Variants in GFRA1 observed in about 807,000 individuals in gnomAD.
GFRA1 encodes the protein GDNF family receptor alpha 1, also known as GDNF family receptor alpha-1.
Under a neutral mutation model 51.6 loss-of-function variants are expected in GFRA1, and 16 were observed. The observed-to-expected ratio is 0.31, with a 90% CI of 0.21 to 0.47. GFRA1 has a LOEUF of 0.47. Among genes scored for constraint, GFRA1 ranks in the 20% least tolerant of loss-of-function variants. The pLI, the probability that GFRA1 is intolerant of heterozygous loss-of-function variation, is 1.00. For missense variants in GFRA1, 530 were observed against 594.3 expected (o/e 0.89, Z 1.13); for synonymous variants, 270 against 241.3 (o/e 1.12, Z -1.10).
Position 116,064,250 on chromosome 10 carries a change from TAAAAGGAAAA to T in GFRA1, c.*138_*147del, listed in dbSNP as rs1369229391. 9 of 711,554 alleles carry T rather than the reference TAAAAGGAAAA, an allele frequency of 1.3e-5. No individual in the cohort carries two copies. In the African/African-American group the frequency reaches 1.6e-4, roughly 13 times the overall value. The allele number at this position is 711,554 out of a possible 1,614,324, so 44.1% of individuals were successfully genotyped here. A position where few individuals can be genotyped will look rare whatever the true frequency, so the allele number is the denominator to read the frequency against. The stretch of plus-strand genomic sequence containing the variant: ...CCCAAAGGATCACAAGAAGCTTTCT[TAAAAGGAAAA>T]AAAAAAAATGTTCCAGTTGAATGGA... On this transcript the variant is annotated 3_prime_UTR_variant, in exon 11 of 11. Coordinates refer to ENST00000355422, the MANE Select transcript of GFRA1 (RefSeq NM_005264.8).
intron 9 of GFRA1, among the ~76,000 whole-genome samples, chr10:116,073,297 G>A (rs1955482147): frequency 6.6e-6 from 1 of 152,166 alleles, no homozygotes; most frequent in South Asian, 2.1e-4. Flanking sequence ...TGCCCTGGCT[G>A]GGCTTACTTC....
At chr10:116,072,570 G>T (rs765840070) in intron 9 of GFRA1, among the ~76,000 whole-genome samples, 32 of 152,188 alleles carry the variant, frequency 2.1e-4, no homozygotes, top group Non-Finnish European at 4.1e-4. Flanking sequence ...GACCAGCCTA[G>T]CCAGCATGGT....
chr10:116,238,516 T>C (rs1329582107), intron 4 of GFRA1, among the ~76,000 whole-genome samples: 1 of 152,186 alleles, frequency 6.6e-6, no homozygotes, highest in Non-Finnish European at 1.5e-5. Context: ...GTTCCATATA[T>C]ATGGAATTTC....
At chr10:116,202,037 C>T (rs1367026824) in intron 5 of GFRA1, among the ~76,000 whole-genome samples, 2 of 152,190 alleles carry the variant, frequency 1.3e-5, no homozygotes, top group Non-Finnish European at 2.9e-5. Context: ...AACACCGATT[C>T]CTCCGAGCTT....
At chr10:116,112,638 T>C (rs1233560079) in intron 6 of GFRA1, among the ~76,000 whole-genome samples, 2 of 152,152 alleles carry the variant, frequency 1.3e-5, no homozygotes, top group Non-Finnish European at 2.9e-5. Context: ...GTGAAATCCT[T>C]TGGCATGCTA....
At chr10:116,092,013 A>G (rs1256619448) in intron 8 of GFRA1, among the ~76,000 whole-genome samples, 1 of 152,044 alleles carries the variant, frequency 6.6e-6, no homozygotes, top group South Asian at 2.1e-4. Context: ...TCTTGCACTG[A>G]CCTCCATCGT....
intron 5 of GFRA1, among the ~76,000 whole-genome samples, chr10:116,179,530 G>C (rs763707848): frequency 3.3e-5 from 5 of 152,148 alleles, no homozygotes; most frequent in Non-Finnish European, 7.3e-5. Context: ...AAACCTGGGT[G>C]TTCTCGTTCC....
At chr10:116,231,571 C>T (rs901456875) in intron 4 of GFRA1, among the ~76,000 whole-genome samples, 5 of 152,046 alleles carry the variant, frequency 3.3e-5, no homozygotes, top group Non-Finnish European at 7.4e-5. Context: ...CAAGGTAAAG[C>T]TTTTTTTCTG....
intron 4 of GFRA1, among the ~76,000 whole-genome samples, chr10:116,246,318 G>A (rs762576973): frequency 6.6e-6 from 1 of 152,078 alleles, no homozygotes; most frequent in Non-Finnish European, 1.5e-5. Flanking sequence ...GTAATCCCAG[G>A]TACTCAGGAG....
intron 5 of GFRA1, among the ~76,000 whole-genome samples, chr10:116,157,274 C>T (rs1249420891): frequency 6.6e-6 from 1 of 152,104 alleles, no homozygotes; most frequent in Admixed American, 6.5e-5. Context: ...ATGTCTATGC[C>T]AAAGTAGAAT....
At chr10:116,066,130 C>A (rs1955100995) in intron 9 of GFRA1, among the ~76,000 whole-genome samples, 1 of 152,132 alleles carries the variant, frequency 6.6e-6, no homozygotes, top group East Asian at 1.9e-4. Flanking sequence ...CCTTCCTGGG[C>A]TTGTTTGTTT....
intron 6 of GFRA1, among the ~76,000 whole-genome samples, chr10:116,099,018 G>C (rs1257173356): frequency 6.6e-6 from 1 of 152,182 alleles, no homozygotes; most frequent in East Asian, 1.9e-4. Context: ...GAGCACATGA[G>C]GCACTGTTAA....
chr10:116,113,342 T>A (rs1283823368), intron 6 of GFRA1, among the ~76,000 whole-genome samples: 1 of 152,154 alleles, frequency 6.6e-6, no homozygotes, highest in African/African-American at 2.4e-5. Context: ...CCTATAGATT[T>A]AGCCCACATA....
At chr10:116,262,913 C>T (rs1565688527) in intron 4 of GFRA1, among the ~76,000 whole-genome samples, 1 of 152,136 alleles carries the variant, frequency 6.6e-6, no homozygotes, top group South Asian at 2.1e-4. Flanking sequence ...GAAGGGAAGG[C>T]TGATCACAAG....
chr10:116,234,098 G>T (rs942454212), intron 4 of GFRA1, among the ~76,000 whole-genome samples: 1 of 152,168 alleles, frequency 6.6e-6, no homozygotes, highest in Admixed American at 6.5e-5. Context: ...ATAAATGCAG[G>T]TTTTTTGTGC....
intron 6 of GFRA1, among the ~76,000 whole-genome samples, chr10:116,113,500 C>A (rs1330027990): frequency 6.6e-6 from 1 of 152,164 alleles, no homozygotes; most frequent in African/African-American, 2.4e-5. Flanking sequence ...TCCAAAGGTC[C>A]CTTACTTTAA....
At chr10:116,154,105 C>G (rs771827472) in intron 5 of GFRA1, among the ~76,000 whole-genome samples, 2 of 152,106 alleles carry the variant, frequency 1.3e-5, no homozygotes, top group Non-Finnish European at 1.5e-5. Context: ...ATGAGTGTGT[C>G]CATCCATCAC....
In GFRA1 at chr10:116,272,084, G is replaced by T. The variant is rs1242488804; in HGVS notation, c.-55C>A. ...CCCAAAAAAATCCCGAGCCGCCGCT[G>T]GGTCTTGCCGAGGGAGCTCAGCGTG... On this transcript the variant is annotated 5_prime_UTR_variant, in exon 2 of 11. Transcript: ENST00000355422. The surrounding 1 kb of genome is among the most constrained non-coding windows in gnomAD (Gnocchi z 4.4). The T allele has an allele frequency of 4.8e-6, 7 of 1,454,352 alleles. No homozygotes were observed. The African/African-American group carries it at 9.8e-5, about 20-fold the overall frequency. 90.1% of individuals were successfully genotyped at this position (1,454,352 alleles called of 1,614,324 possible).
intron 5 of GFRA1, among the ~76,000 whole-genome samples, chr10:116,177,191 G>A (rs1961707810): frequency 6.6e-6 from 1 of 152,194 alleles, no homozygotes. Flanking sequence ...CTCAGACAAT[G>A]AGGAGTCATC....
Sources: gnomAD v4.1 joint callset for allele counts (sites outside exome capture counted in the v4.1 genomes callset) on GRCh38, gnomAD v4.1.1 for gene constraint, Gnocchi (gnomAD v3.1) non-coding constraint, MANE v1.5 for transcripts, NCBI Gene and HGNC (gene_info 2026-07-23, HGNC 2026-07-21) for gene names.